PDE6A: variants seen among roughly 807,000 people sequenced by gnomAD.
PDE6A encodes phosphodiesterase 6A, also known as rod cGMP-specific 3',5'-cyclic phosphodiesterase subunit alpha.
PDE6A carries 84 observed loss-of-function variants against 106.3 expected under a neutral mutation model. The observed-to-expected ratio is 0.79, with a 90% CI of 0.66 to 0.95. The LOEUF is 0.95. PDE6A is among the 40% of genes least tolerant of loss of function. PDE6A has a pLI of 0.00. For synonymous variants in PDE6A, 394 were observed against 386.6 expected (o/e 1.02, Z -0.23); for missense variants, 1,052 against 1,084.9 (o/e 0.97, Z 0.43).
rs1479635891 is a variant in PDE6A, at chr5:149,863,176, C to G, written c.2449G>C (p.Asp817His). Residue 817 changes from aspartate (D) to histidine (H), a missense_variant, in exon 21 of 22, where the codon GAT becomes CAT. Asp to His is a moderately conservative substitution (Grantham distance 81). This residue lies in a region of PDE6A where 135 missense variants were observed against 153.2 expected (regional missense o/e 0.88). Coordinates refer to ENST00000255266, the MANE Select transcript of PDE6A (RefSeq NM_000440.3). This position sits in a 1 kb window ranked among gnomAD's most constrained non-coding sequence, Gnocchi z 4.7. ...TCCTCCTGCACCTTCATCTTGGCAT[C>G]GTACTCATCAGCAAGCGCCTTCCAC... ...KEWKALADEY[D>H]AKMKVQEEKK... 1 of 1,614,188 alleles carries G rather than the reference C, an allele frequency of 6.2e-7. No individual in the cohort carries two copies. The highest frequency in any genetic ancestry group is 8.5e-7 in the Non-Finnish European group (1 of 1,180,022).
intron 8 of PDE6A, among the ~76,000 whole-genome samples, chr5:149,899,892 C>T (rs559055230): frequency 1.2e-4 from 18 of 152,226 alleles, no homozygotes; most frequent in Admixed American, 7.2e-4. Context: ...ATTCTTGTAA[C>T]GTTGAATTAA....
chr5:149,884,851 C>T lies in PDE6A; in HGVS notation c.1855G>A (p.Ala619Thr). The T allele has an allele frequency of 6.2e-7, 1 of 1,613,712 alleles. No individual in the cohort carries two copies. The highest frequency in any genetic ancestry group is 8.5e-7 in the Non-Finnish European group (1 of 1,179,682). The change falls in exon 15 of 22, where the codon GCC (alanine) becomes ACC (threonine). Residue 619 changes from alanine to threonine, a missense_variant. Physicochemically the swap from Ala to Thr is moderately conservative, Grantham distance 58 (BLOSUM62 0). This residue lies in a region of PDE6A where 913 missense variants were observed against 915.2 expected (regional missense o/e 1.00). Transcript: ENST00000255266. ...LYQMKSQNPL[A>T]KLHGSSILER... The stretch of plus-strand genomic sequence containing the variant: ...AAGATAGAGGACCCATGGAGCTTGG[C>T]CAGTGGGTTCTGGGATCTGAATGAG...
At chr5:149,872,199 A>T (rs901041103) in intron 17 of PDE6A, among the ~76,000 whole-genome samples, 4 of 152,186 alleles carry the variant, frequency 2.6e-5, no homozygotes, top group African/African-American at 9.7e-5. Context: ...GTCCAGGGCA[A>T]GCGACTTCAT....
At chr5:149,867,548 A>G (rs943130722) in intron 19 of PDE6A, 177 bp downstream of exon 19, 2 of 684,258 alleles carry the variant, frequency 2.9e-6, no homozygotes, top group Non-Finnish European at 5.3e-6. Context: ...CATACCTAAC[A>G]TGTTCTCAAG....
chr5:149,925,923 A>T (rs531921210), intron 4 of PDE6A, among the ~76,000 whole-genome samples: 7 of 152,240 alleles, frequency 4.6e-5, no homozygotes, highest in Admixed American at 2.6e-4. Context: ...TTAAGACAGG[A>T]TAGTATTGCA....
At chr5:149,943,950 T>C (rs1165486123) in intron 1 of PDE6A, among the ~76,000 whole-genome samples, 1 of 152,222 alleles carries the variant, frequency 6.6e-6, no homozygotes, top group Non-Finnish European at 1.5e-5. Context: ...AAAGCAAATG[T>C]GGCAAGATGT....
At chr5:149,903,738 G>A (rs115655551) in intron 7 of PDE6A, 43 bp from the exon 8 acceptor site, 1 of 1,503,296 alleles carries the variant, frequency 6.7e-7, no homozygotes, top group Non-Finnish European at 9.3e-7. Context: ...GATTAGGCCT[G>A]AGAGGGTGCC....
At chr5:149,940,084 A>C (rs937692545) in intron 1 of PDE6A, 6 of 152,008 alleles carry the variant, frequency 3.9e-5, no homozygotes, top group African/African-American at 1.5e-4. Flanking sequence ...GAAATCTATA[A>C]CTGGCTGTGA....
intron 17 of PDE6A, among the ~76,000 whole-genome samples, chr5:149,875,288 G>A (rs552112872): frequency 7.2e-5 from 11 of 152,174 alleles, no homozygotes; most frequent in African/African-American, 2.4e-4. Flanking sequence ...TCCACAGCAG[G>A]GTTGCCAGCC....
At chr5:149,928,775 C>T (rs563617893) in intron 4 of PDE6A, among the ~76,000 whole-genome samples, 1 of 152,170 alleles carries the variant, frequency 6.6e-6, no homozygotes, top group African/African-American at 2.4e-5. Flanking sequence ...CCAGAATTTG[C>T]AAAGAACTCC....
intron 4 of PDE6A, among the ~76,000 whole-genome samples, chr5:149,929,024 C>T (rs895580584): frequency 1.3e-5 from 2 of 152,162 alleles, no homozygotes; most frequent in African/African-American, 2.4e-5. Flanking sequence ...ACCCTTGATA[C>T]ATTGCTGGTG....
In PDE6A at chr5:149,944,612, T is replaced by G; in HGVS notation, c.62A>C (p.Lys21Thr). 2 of 1,613,982 alleles carry G rather than the reference T, an allele frequency of 1.2e-6. No individual in the cohort carries two copies. Among genetic ancestry groups the G allele is most frequent in the Non-Finnish European group, 1.7e-6 (2 of 1,179,978 alleles). ...CCGGTAGTGGAGGTTGTAGTACTGT[T>G]TGGCAAAGCCAATATTCGAGTCCAG... ...KFLDSNIGFA[K>T]QYYNLHYRAK... The change falls in exon 1 of 22, where the codon AAA (lysine) becomes ACA (threonine). Residue 21 changes from lysine to threonine, a missense_variant. By Grantham distance (78) the Lys-to-Thr change is moderately conservative. Around this residue, in one of 3 missense-constraint regions of PDE6A, gnomAD observed 913 missense variants for 915.2 expected, o/e 1.00. Transcript: ENST00000255266.
intron 5 of PDE6A, among the ~76,000 whole-genome samples, chr5:149,920,675 G>A (rs752774443): frequency 6.6e-6 from 1 of 152,086 alleles, no homozygotes; most frequent in South Asian, 2.1e-4. Context: ...AATTTGCCCT[G>A]CTGGATTGTG....
At chr5:149,918,329 T>C (rs1753614411) in intron 5 of PDE6A, among the ~76,000 whole-genome samples, 1 of 152,092 alleles carries the variant, frequency 6.6e-6, no homozygotes, top group African/African-American at 2.4e-5. Flanking sequence ...AAGGGAAAGG[T>C]GACAAAATAT....
chr5:149,936,985 A>G (rs895396398), intron 1 of PDE6A, among the ~76,000 whole-genome samples: 3 of 152,202 alleles, frequency 2.0e-5, no homozygotes, highest in African/African-American at 7.2e-5. Flanking sequence ...TCAAACGGCG[A>G]GACAGACAAA....
intron 1 of PDE6A, among the ~76,000 whole-genome samples, chr5:149,940,567 G>A (rs547350397): frequency 4.1e-5 from 6 of 146,644 alleles, no homozygotes; most frequent in Admixed American, 7.2e-5. Flanking sequence ...GTGCGGTCTC[G>A]GCTCACTGCA....
At chr5:149,943,772 T>C (rs1344010734) in intron 1 of PDE6A, among the ~76,000 whole-genome samples, 1 of 150,884 alleles carries the variant, frequency 6.6e-6, no homozygotes, top group African/African-American at 2.5e-5. Flanking sequence ...ACTGTGGAGG[T>C]ACTGTGGAAG....
At chr5:149,900,524 T>C (rs1484591669) in intron 8 of PDE6A, among the ~76,000 whole-genome samples, 2 of 151,314 alleles carry the variant, frequency 1.3e-5, no homozygotes, top group African/African-American at 4.8e-5. Context: ...CACTGCAGTG[T>C]GGGAAGTTCT....
At chr5:149,938,038 C>G (rs1004060083) in intron 1 of PDE6A, among the ~76,000 whole-genome samples, 1 of 152,276 alleles carries the variant, frequency 6.6e-6, no homozygotes, top group South Asian at 2.1e-4. Context: ...ATGCAAAGAC[C>G]TGTAAGATGA....
Sources: allele counts gnomAD v4.1 joint callset (sites outside exome capture counted in the v4.1 genomes callset), GRCh38; gene constraint gnomAD v4.1.1; regional missense constraint gnomAD v4.1.1; non-coding constraint Gnocchi (gnomAD v3.1); transcripts MANE v1.5; gene names NCBI Gene and HGNC (gene_info 2026-07-23, HGNC 2026-07-21).